The following ARSJ variants were observed in gnomAD, a reference collection of about 807,000 sequenced individuals.
The protein encoded by ARSJ is arylsulfatase J.
ARSJ carries 26 observed loss-of-function variants against 35.9 expected under a neutral mutation model. The observed-to-expected ratio is 0.72, with a 90% CI of 0.53 to 1.00. The LOEUF (loss-of-function observed/expected upper bound fraction) is 1.00, where lower values mean the gene tolerates loss of function less well. Among genes scored for constraint, ARSJ ranks in the 50% least tolerant of loss-of-function variants. ARSJ has a pLI of 0.00. For synonymous variants in ARSJ, 294 were observed against 267.6 expected (o/e 1.10, Z -0.96); for missense variants, 667 against 723.6 (o/e 0.92, Z 0.90).
At chr4:113,977,950 A>C (rs550870315) in intron 1 of ARSJ, among the ~76,000 whole-genome samples, 1 of 152,314 alleles carries the variant, frequency 6.6e-6, no homozygotes, top group East Asian at 1.9e-4. Context: ...GTCATACATA[A>C]ACTGGTCATA....
At chr4:113,954,933 T>C (rs1240482855) in intron 1 of ARSJ, among the ~76,000 whole-genome samples, 1 of 152,078 alleles carries the variant, frequency 6.6e-6, no homozygotes, top group Non-Finnish European at 1.5e-5. Flanking sequence ...TTTGGTTCCT[T>C]CTGTCCCTGC....
chr4:113,910,898 A>G (rs2099670232), intron 1 of ARSJ, among the ~76,000 whole-genome samples: 1 of 152,204 alleles, frequency 6.6e-6, no homozygotes, highest in Non-Finnish European at 1.5e-5. Context: ...AGAGTAGAGA[A>G]CCACAGCATT....
chr4:113,957,661 G>T (rs75422487), intron 1 of ARSJ, among the ~76,000 whole-genome samples: 1 of 152,006 alleles, frequency 6.6e-6, no homozygotes, highest in African/African-American at 2.4e-5. Flanking sequence ...AGTTCACGGT[G>T]ACTGATTTGT....
intron 1 of ARSJ, among the ~76,000 whole-genome samples, chr4:113,946,716 T>C (rs1725510750): frequency 8.7e-6 from 1 of 114,364 alleles, no homozygotes; most frequent in Non-Finnish European, 1.9e-5. Flanking sequence ...ATATTTTGCA[T>C]AAATTGTGCA....
chr4:113,942,735 T>G lies in ARSJ; in HGVS notation c.398+35702A>C, dbSNP rs148752115. 3.3e-4 allele frequency among the ~76,000 whole-genome samples: 50 copies of G among 152,218 alleles called. No homozygotes were observed. The East Asian group carries it at 8.9e-3, about 27-fold the overall frequency. On this transcript the variant is annotated intron_variant, in intron 1 of 1. Coordinates refer to ENST00000315366, the MANE Select transcript of ARSJ (RefSeq NM_024590.4). ...GTTCTGCTAGAATTTCAGAGGTTTTTCTTAAAATGGAAAAGTGATTTTAAA... is the reference window on the plus strand; with the variant it reads ...GTTCTGCTAGAATTTCAGAGGTTTTGCTTAAAATGGAAAAGTGATTTTAAA...
chr4:113,911,391 C>T (rs138650941), intron 1 of ARSJ, among the ~76,000 whole-genome samples: 3 of 152,178 alleles, frequency 2.0e-5, no homozygotes, highest in Admixed American at 1.3e-4. Flanking sequence ...CGAAGCTTTG[C>T]GTTGGAAAAA....
chr4:113,929,237 A>G (rs1241991619), intron 1 of ARSJ, among the ~76,000 whole-genome samples: 4 of 152,084 alleles, frequency 2.6e-5, no homozygotes, highest in Admixed American at 1.3e-4. Flanking sequence ...TACACTCTCA[A>G]CCTCACCTCT....
chr4:113,942,711 T>C lies in ARSJ; in HGVS notation c.398+35726A>G, dbSNP rs66851243. 3.6e-3 allele frequency among the ~76,000 whole-genome samples: 552 copies of C among 152,196 alleles called. 1 individual carries two copies. Among genetic ancestry groups the C allele is most frequent in the Non-Finnish European group, 6.6e-3 (447 of 67,982 alleles). Reference sequence around the variant, plus strand: ...AACTTGGCATACGCACAACAAACAGTTCTGCTAGAATTTCAGAGGTTTTTC... The same window carrying C: ...AACTTGGCATACGCACAACAAACAGCTCTGCTAGAATTTCAGAGGTTTTTC... On this transcript the variant is annotated intron_variant, in intron 1 of 1. Coordinates refer to ENST00000315366, the MANE Select transcript of ARSJ (RefSeq NM_024590.4).
intron 1 of ARSJ, among the ~76,000 whole-genome samples, chr4:113,930,700 A>C (rs977592934): frequency 6.6e-6 from 1 of 151,770 alleles, no homozygotes; most frequent in Non-Finnish European, 1.5e-5. Context: ...ACTATAAATC[A>C]TGCTGCTATA....
chr4:113,978,562 C>A lies in ARSJ; in HGVS notation c.273G>T (p.Val91=). Reference sequence around the variant, plus strand: ...TTTTAATCTCAGATCCGTGGTAACCCACATCTCTAAATCCCTGATCATCCG... The same window carrying A: ...TTTTAATCTCAGATCCGTGGTAACCAACATCTCTAAATCCCTGATCATCCG... The part of the protein sequence containing the change: ...ILADDQGFRD[V]GYHGSEIKTP... Residue 91 remains valine (V), a synonymous_variant, in exon 1 of 2, where the codon GTG becomes GTT. Transcript: ENST00000315366. 6.2e-7 allele frequency: 1 copy of A among 1,614,224 alleles called. No homozygotes were observed.
In ARSJ at chr4:113,902,547, A is replaced by T; in HGVS notation, c.1527T>A (p.Ser509=). Residue 509 remains serine, a synonymous_variant, in exon 2 of 2, where the codon TCT becomes TCA. Transcript: ENST00000315366. ...TCTTCACGATTCCTGGATACCTGTT[A>T]GATAGGTCCACCCTCTCATATGGGT... ...TADPYERVDL[S]NRYPGIVKKL... is the part of the protein sequence containing the mutation. 6.2e-7 allele frequency: 1 copy of T among 1,614,144 alleles called. No individual in the cohort carries two copies. The highest frequency in any genetic ancestry group is 8.5e-7 in the Non-Finnish European group (1 of 1,180,016).
intron 1 of ARSJ, 102 bp from the exon 2 acceptor site, chr4:113,903,777 G>T (rs2099667882): frequency 4.3e-6 from 6 of 1,409,682 alleles, no homozygotes. Context: ...GGGCATCATT[G>T]TTAAATTATA....
chr4:113,917,773 T>C (rs1304215228), intron 1 of ARSJ, among the ~76,000 whole-genome samples: 1 of 152,160 alleles, frequency 6.6e-6, no homozygotes, highest in East Asian at 1.9e-4. Flanking sequence ...ATTAGGTTTA[T>C]TTTACTTTGA....
chr4:113,929,807 C>T (rs1029307301), intron 1 of ARSJ, among the ~76,000 whole-genome samples: 17 of 152,110 alleles, frequency 1.1e-4, no homozygotes, highest in African/African-American at 1.9e-4. Flanking sequence ...AGTTTTTCAA[C>T]GGAACTTAGG....
At chr4:113,962,474 A>G (rs1334372674) in intron 1 of ARSJ, among the ~76,000 whole-genome samples, 2 of 146,442 alleles carry the variant, frequency 1.4e-5, no homozygotes, top group African/African-American at 2.5e-5. Context: ...TGTCTGCTGG[A>G]GCAGGCACCT....
rs773181359 is a variant in ARSJ, at chr4:113,902,761, T to C, written c.1313A>G (p.Tyr438Cys). The C allele has an allele frequency of 1.7e-5, 27 of 1,614,060 alleles. No homozygotes were observed. The highest frequency in any genetic ancestry group is 4.0e-5 in the African/African-American group (3 of 74,918). Residue 438 changes from tyrosine to cysteine, a missense_variant, in exon 2 of 2, where the codon TAT becomes TGT. Coordinates refer to ENST00000315366, the MANE Select transcript of ARSJ (RefSeq NM_024590.4). ...CTGGATTGCAGTGTTCCAGATCCCATAGCCTGCTGCCCAGGAGCCATTTTT... is the reference window on the plus strand; with the variant it reads ...CTGGATTGCAGTGTTCCAGATCCCACAGCCTGCTGCCCAGGAGCCATTTTT... ...KAKNGSWAAGYGIWNTAIQSA... is the reference protein window; with the variant it reads ...KAKNGSWAAGCGIWNTAIQSA...
intron 1 of ARSJ, among the ~76,000 whole-genome samples, chr4:113,921,846 C>T (rs991427608): frequency 6.6e-6 from 1 of 152,108 alleles, no homozygotes; most frequent in African/African-American, 2.4e-5. Flanking sequence ...AACCTGGGCA[C>T]AACAACCAAG....
At chr4:113,958,644 G>T (rs375487919) in intron 1 of ARSJ, among the ~76,000 whole-genome samples, 354 of 152,070 alleles carry the variant, frequency 2.3e-3, no homozygotes, top group African/African-American at 8.3e-3. Context: ...TATACAAATA[G>T]ATACATAACA....
At chr4:113,904,352 AT>A (rs965391709) in intron 1 of ARSJ, among the ~76,000 whole-genome samples, 1 of 152,136 alleles carries the variant, frequency 6.6e-6, no homozygotes, top group Non-Finnish European at 1.5e-5. Flanking sequence ...TATTATTATT[AT>A]TGCTTTTAAC....
Sources: allele counts gnomAD v4.1 joint callset (sites outside exome capture counted in the v4.1 genomes callset), GRCh38; gene constraint gnomAD v4.1.1; transcripts MANE v1.5; gene names NCBI Gene and HGNC (gene_info 2026-07-23, HGNC 2026-07-21).